Variants in HDX observed in about 807,000 individuals in gnomAD.
The protein encoded by HDX is chromosome X open reading frame 43.
A neutral mutation model predicts 45.2 loss-of-function variants in HDX; 19 were observed. The ratio of observed to expected loss-of-function variants is 0.42; its 90% CI spans 0.29 to 0.62. The LOEUF is 0.62. HDX is among the 20% of genes least tolerant of loss of function. The probability of loss-of-function intolerance (pLI) is 0.20; values close to 1 mark genes in which losing one functional copy is unlikely to be tolerated. For missense variants in HDX, 532 were observed against 493.9 expected, an observed-to-expected ratio of 1.08 and a Z score of -0.73; for synonymous variants, 188 against 172.8, an observed-to-expected ratio of 1.09 and a Z score of -0.69.
At chrX:84,482,226 G>A (rs1273261825) in intron 2 of HDX, among the ~76,000 whole-genome samples, 3 of 111,464 alleles carry the variant, frequency 2.7e-5, no homozygotes, top group Non-Finnish European at 1.9e-5. Flanking sequence ...CGTTCACCCA[G>A]TAGTGATATT....
Position 84,502,297 on chromosome X carries a change from C to T in HDX, c.-110+45G>A, listed in dbSNP as rs754966126. ...GAAAAGCATTATCCCGGTGCTTTGC[C>T]CTCCCTCCTTCGCCCTTCTCACCCA... On this transcript the variant is annotated intron_variant, in intron 1 of 10. Coordinates refer to ENST00000373177, the MANE Select transcript of HDX (RefSeq NM_001177479.2). 137 of 110,700 alleles carry T rather than the reference C, an allele frequency of 1.2e-3. 1 individual carries two copies. Among genetic ancestry groups the T allele is most frequent in the Middle Eastern group, 4.7e-3 (1 of 215 alleles). The allele number at this position is 110,700 out of a possible 1,213,427, so 9.1% of individuals were successfully genotyped here.
intron 9 of HDX, among the ~76,000 whole-genome samples, chrX:84,327,771 C>A (rs1340938786): frequency 1.8e-5 from 2 of 110,821 alleles, no homozygotes; most frequent in Non-Finnish European, 3.8e-5. Flanking sequence ...AATTATGGAA[C>A]TTTAAAAAAA....
chrX:84,333,845 G>A lies in HDX; in HGVS notation c.1741-3C>T. 2.5e-6 allele frequency: 2 copies of A among 809,138 alleles called. No homozygotes were observed. The highest frequency in any genetic ancestry group is 3.6e-6 in the Non-Finnish European group (2 of 548,850). The allele number at this position is 809,138 out of a possible 1,213,427, so 66.7% of individuals were successfully genotyped here. Reference sequence around the variant, plus strand: ...TCATCATCAATAATTTCTATTTTCTGTAACACAAGTAGAGAAGTTACAAAT... The same window carrying A: ...TCATCATCAATAATTTCTATTTTCTATAACACAAGTAGAGAAGTTACAAAT... On this transcript the variant is annotated splice_polypyrimidine_tract_variant and splice_region_variant and intron_variant, in intron 8 of 10. Coordinates refer to ENST00000373177, the MANE Select transcript of HDX (RefSeq NM_001177479.2).
chrX:84,353,085 A>T (rs1194693947), intron 6 of HDX, among the ~76,000 whole-genome samples: 1 of 112,521 alleles, frequency 8.9e-6, no homozygotes, highest in Non-Finnish European at 1.9e-5. Flanking sequence ...ACAATATGTT[A>T]TGTGAATATT....
chrX:84,335,772 G>A (rs1403534138), intron 8 of HDX, among the ~76,000 whole-genome samples: 1 of 110,945 alleles, frequency 9.0e-6, no homozygotes, highest in Non-Finnish European at 1.9e-5. Flanking sequence ...AGTGTTAGAA[G>A]GGTCAAGCAT....
At chrX:84,406,834 TTAAG>T (rs1410892982) in intron 5 of HDX, among the ~76,000 whole-genome samples, 2 of 110,848 alleles carry the variant, frequency 1.8e-5, no homozygotes, top group African/African-American at 3.3e-5. Context: ...TCATATGAAA[TTAAG>T]TAAGAACATA....
intron 2 of HDX, among the ~76,000 whole-genome samples, chrX:84,475,826 G>A (rs1328825563): frequency 1.8e-5 from 2 of 111,476 alleles, no homozygotes; most frequent in Middle Eastern, 4.2e-3. Context: ...ATGTCTTATA[G>A]CCAGAAGCTG....
chrX:84,381,172 T>C (rs985700518), intron 5 of HDX, among the ~76,000 whole-genome samples: 2 of 110,765 alleles, frequency 1.8e-5, no homozygotes, highest in Admixed American at 9.6e-5. Flanking sequence ...TAATGAAAAC[T>C]ACAAAACACT....
rs184253504 is a variant in HDX, at chrX:84,331,813, C to T, written c.1824+1946G>A. 2.6e-3 allele frequency among the ~76,000 whole-genome samples: 290 copies of T among 111,567 alleles called. 2 individuals are homozygous for T. Among genetic ancestry groups the T allele is most frequent in the African/African-American group, 9.2e-3 (282 of 30,811 alleles). Reference sequence around the variant, plus strand: ...GTATTCAATACAGTGACATGCTGTACAGGTTTGTAGCCTAGAAGCAATAGG... The same window carrying T: ...GTATTCAATACAGTGACATGCTGTATAGGTTTGTAGCCTAGAAGCAATAGG... On this transcript the variant is annotated intron_variant, in intron 9 of 10. Transcript: ENST00000373177.
chrX:84,453,237 A>C (rs1051603715), intron 4 of HDX, among the ~76,000 whole-genome samples: 1 of 112,466 alleles, frequency 8.9e-6, no homozygotes, highest in Admixed American at 9.4e-5. Context: ...ACACACACAC[A>C]CAAATCTTCA....
chrX:84,384,261 T>C (rs923205620), intron 5 of HDX, among the ~76,000 whole-genome samples: 4 of 111,850 alleles, frequency 3.6e-5, no homozygotes, highest in African/African-American at 9.8e-5. Flanking sequence ...TGAGATCATA[T>C]CTCATTGTGG....
In HDX at chrX:84,465,028, T is replaced by G. The variant is rs549441941; in HGVS notation, c.1251+3444A>C. On this transcript the variant is annotated intron_variant, in intron 4 of 10. Coordinates refer to ENST00000373177, the MANE Select transcript of HDX (RefSeq NM_001177479.2). ...TGGGCAAAGGACATGAACAGGCACTTGTCAAAAGAAGACATTTATGCAGCC... is the reference window on the plus strand; with the variant it reads ...TGGGCAAAGGACATGAACAGGCACTGGTCAAAAGAAGACATTTATGCAGCC... Among the ~76,000 whole-genome samples, 281 of 112,088 alleles carry G rather than the reference T, an allele frequency of 2.5e-3. 6 individuals carry two copies. The South Asian group carries it at 0.1, about 40-fold the overall frequency.
intron 5 of HDX, among the ~76,000 whole-genome samples, chrX:84,412,964 G>A (rs1189198050): frequency 8.9e-6 from 1 of 112,003 alleles, no homozygotes; most frequent in East Asian, 2.8e-4. Flanking sequence ...ATTGTATTAT[G>A]AAATTCTTGA....
At chrX:84,322,533 G>A (rs949214150) in intron 10 of HDX, among the ~76,000 whole-genome samples, 2 of 110,797 alleles carry the variant, frequency 1.8e-5, no homozygotes, top group African/African-American at 3.3e-5. Flanking sequence ...AAAAGACCAA[G>A]TAATTTTATT....
chrX:84,414,488 T>C (rs896642549), intron 5 of HDX, among the ~76,000 whole-genome samples: 2 of 111,927 alleles, frequency 1.8e-5, no homozygotes, highest in Admixed American at 1.9e-4. Flanking sequence ...CTTCCATATA[T>C]TTCCAGAGCT....
intron 5 of HDX, among the ~76,000 whole-genome samples, chrX:84,366,012 G>T (rs1483379099): frequency 1.8e-5 from 2 of 111,480 alleles, no homozygotes; most frequent in African/African-American, 6.5e-5. Flanking sequence ...AGAAATAAAG[G>T]AATTCAAATA....
intron 4 of HDX, among the ~76,000 whole-genome samples, chrX:84,466,451 G>C (rs1236309351): frequency 8.9e-6 from 1 of 111,844 alleles, no homozygotes; most frequent in Non-Finnish European, 1.9e-5. Context: ...TTTGAATCCA[G>C]GTCTGTCCAT....
chrX:84,490,268 A>C (rs921372852), intron 1 of HDX, among the ~76,000 whole-genome samples: 1 of 110,292 alleles, frequency 9.1e-6, no homozygotes, highest in African/African-American at 3.3e-5. Context: ...TAGCATTATC[A>C]TTTCCTCTTT....
rs192220106 is a variant in HDX, at chrX:84,319,516, T to C, written c.*2373A>G. 294 of 111,678 alleles carry C rather than the reference T, an allele frequency of 2.6e-3. 2 individuals are homozygous for C. Among genetic ancestry groups the C allele is most frequent in the African/African-American group, 9.2e-3 (284 of 30,991 alleles). The allele number at this position is 111,678 out of a possible 1,213,427, so 9.2% of individuals were successfully genotyped here. Reference sequence around the variant, plus strand: ...CCTGCTACAGAATAGCCACATTTCATTTTAGAAGTGTTTTAATTCCAATGA... The same window carrying C: ...CCTGCTACAGAATAGCCACATTTCACTTTAGAAGTGTTTTAATTCCAATGA... On this transcript the variant is annotated 3_prime_UTR_variant, in exon 11 of 11. Coordinates refer to ENST00000373177, the MANE Select transcript of HDX (RefSeq NM_001177479.2).
Sources: allele counts gnomAD v4.1 joint callset (sites outside exome capture counted in the v4.1 genomes callset), GRCh38; gene constraint gnomAD v4.1.1; transcripts MANE v1.5; gene names NCBI Gene and HGNC (gene_info 2026-07-23, HGNC 2026-07-21).